DENND1B: variants seen among roughly 807,000 people sequenced by gnomAD.
DENND1B encodes the protein DENN domain-containing protein 1B.
A neutral mutation model predicts 90.1 loss-of-function variants in DENND1B; 59 were observed. The ratio of observed to expected loss-of-function variants is 0.65; its 90% CI spans 0.53 to 0.81. DENND1B has a LOEUF of 0.81. Ranked by LOEUF, DENND1B falls within the 40% of genes least tolerant of loss-of-function variation. The pLI is 0.00. For missense variants in DENND1B, 862 were observed against 912.6 expected (o/e 0.94, Z 0.71); for synonymous variants, 337 against 324.6 (o/e 1.04, Z -0.41).
At chr1:197,770,957 G>A (rs1656516581) in intron 2 of DENND1B, among the ~76,000 whole-genome samples, 1 of 147,606 alleles carries the variant, frequency 6.8e-6, no homozygotes, top group South Asian at 2.1e-4. Context: ...GGTCACCAAG[G>A]CTGGAGTGTG....
At chr1:197,554,141 ACACACACG>A (rs1435527091) in intron 15 of DENND1B, among the ~76,000 whole-genome samples, 2 of 129,934 alleles carry the variant, frequency 1.5e-5, no homozygotes, top group Non-Finnish European at 3.5e-5. Flanking sequence ...ACACACACAC[ACACACACG>A]TATTACTAGC....
intron 20 of DENND1B, among the ~76,000 whole-genome samples, chr1:197,530,990 G>T (rs1669572307): frequency 6.6e-6 from 1 of 152,080 alleles, no homozygotes; most frequent in Admixed American, 6.6e-5. Flanking sequence ...TGACAATAGT[G>T]GTTAGGTACC....
Position 197,506,788 on chromosome 1 carries a change from T to C in DENND1B, c.*3672A>G, listed in dbSNP as rs1299728213. 3 of 151,442 alleles carry C rather than the reference T, an allele frequency of 2.0e-5. No homozygotes were observed. The South Asian group carries it at 6.2e-4, about 31-fold the overall frequency. The allele number at this position is 151,442 out of a possible 1,614,324, so 9.4% of individuals were successfully genotyped here. The stretch of plus-strand genomic sequence containing the variant: ...CAGAACGCTGTTATTCATATAAAAA[T>C]AGTAAAAATTGGATTCCCATTAACA... On this transcript the variant is annotated 3_prime_UTR_variant, in exon 23 of 23. Coordinates refer to ENST00000620048, the MANE Select transcript of DENND1B (RefSeq NM_001195215.2).
chr1:197,507,833 T>C lies in DENND1B; in HGVS notation c.*2627A>G, dbSNP rs1305580486. The C allele has an allele frequency of 6.6e-6, 1 of 151,652 alleles. No individual in the cohort carries two copies. The highest frequency in any genetic ancestry group is 2.4e-5 in the African/African-American group (1 of 41,376). The allele number at this position is 151,652 out of a possible 1,614,324, so 9.4% of individuals were successfully genotyped here. A position where few individuals can be genotyped will look rare whatever the true frequency, so the allele number is the denominator to read the frequency against. ...AAGTTTAAGAGCAGACTTTGAATAT[T>C]CAAAATTTTACTGGTTTGAAATACA... On this transcript the variant is annotated 3_prime_UTR_variant, in exon 23 of 23. Transcript: ENST00000620048.
At chr1:197,579,036 T>A (rs1367784730) in intron 15 of DENND1B, among the ~76,000 whole-genome samples, 11 of 152,178 alleles carry the variant, frequency 7.2e-5, no homozygotes, top group African/African-American at 2.7e-4. Context: ...AATTAGATTA[T>A]CTAGAATAGC....
intron 2 of DENND1B, among the ~76,000 whole-genome samples, chr1:197,748,349 A>G (rs1652982940): frequency 6.6e-6 from 1 of 152,190 alleles, no homozygotes. Flanking sequence ...CCAAAGAAGA[A>G]TTTTTAAAAA....
intron 2 of DENND1B, among the ~76,000 whole-genome samples, chr1:197,769,606 C>T (rs937691435): frequency 4.6e-5 from 7 of 152,144 alleles, no homozygotes; most frequent in East Asian, 1.9e-4. Flanking sequence ...CGATGTTTGA[C>T]GACTTCTTGT....
chr1:197,658,567 A>T (rs1654084589), intron 5 of DENND1B, among the ~76,000 whole-genome samples, 198 bp from the exon 6 acceptor site: 1 of 151,926 alleles, frequency 6.6e-6, no homozygotes, highest in Non-Finnish European at 1.5e-5. Flanking sequence ...CAGAATCTAG[A>T]GTTCTATTTA....
At chr1:197,669,733 A>T (rs1461969848) in intron 5 of DENND1B, among the ~76,000 whole-genome samples, 1 of 152,094 alleles carries the variant, frequency 6.6e-6, no homozygotes, top group Non-Finnish European at 1.5e-5. Context: ...ATTTTTTCAT[A>T]AAGTTTTGAC....
intron 2 of DENND1B, among the ~76,000 whole-genome samples, chr1:197,756,845 A>G (rs1442081166): frequency 3.3e-5 from 5 of 151,504 alleles, no homozygotes; most frequent in Non-Finnish European, 5.9e-5. Context: ...AGGGAAAGAA[A>G]TATTTGCATA....
intron 3 of DENND1B, among the ~76,000 whole-genome samples, chr1:197,695,681 A>G (rs1658361218): frequency 2.3e-5 from 1 of 42,862 alleles, no homozygotes; most frequent in Admixed American, 2.1e-4. Context: ...ATAGAATGCA[A>G]TGAAATTATT....
In DENND1B at chr1:197,546,870, A is replaced by T. The variant is rs1348319687; in HGVS notation, c.1241-97T>A. On this transcript the variant is annotated intron_variant, in intron 16 of 22. Coordinates refer to ENST00000620048, the MANE Select transcript of DENND1B (RefSeq NM_001195215.2). ...AACTAGTATTTGCACAATTTTTAGT[A>T]GGCAAATTTTATATGCAATGTTGAA... 6.7e-6 allele frequency: 7 copies of T among 1,047,716 alleles called. No homozygotes were observed. The East Asian group carries it at 1.9e-4, about 28-fold the overall frequency. 64.9% of individuals were successfully genotyped at this position (1,047,716 alleles called of 1,614,324 possible).
chr1:197,520,358 CT>C (rs1668686967), intron 20 of DENND1B, among the ~76,000 whole-genome samples: 1 of 151,888 alleles, frequency 6.6e-6, no homozygotes, highest in African/African-American at 2.4e-5. Flanking sequence ...TAAATAAAAA[CT>C]TTATTCCTCA....
intron 16 of DENND1B, 39 bp from the exon 17 acceptor site, chr1:197,546,812 C>T: frequency 2.0e-6 from 3 of 1,516,930 alleles, no homozygotes; most frequent in Non-Finnish European, 2.6e-6. Flanking sequence ...AATGGTTGAT[C>T]AAAAATAAAT....
chr1:197,781,406 T>G, the DENND1B span, among the ~76,000 whole-genome samples: 1 of 152,216 alleles, frequency 6.6e-6, no homozygotes, highest in African/African-American at 2.4e-5. Context: ...GAAGAAAAGT[T>G]ATAAAGTATT....
At chr1:197,704,728 G>A (rs1659357788) in intron 3 of DENND1B, among the ~76,000 whole-genome samples, 1 of 151,858 alleles carries the variant, frequency 6.6e-6, no homozygotes, top group Non-Finnish European at 1.5e-5. Context: ...TATTTCTTTG[G>A]ACTAAATTAC....
intron 20 of DENND1B, among the ~76,000 whole-genome samples, chr1:197,525,251 A>G (rs912603128): frequency 1.3e-5 from 2 of 151,994 alleles, no homozygotes; most frequent in African/African-American, 4.8e-5. Flanking sequence ...TTGTTTCATT[A>G]TTTTTTTCTG....
chr1:197,576,704 T>G (rs1245444028), intron 15 of DENND1B, among the ~76,000 whole-genome samples: 3 of 152,168 alleles, frequency 2.0e-5, no homozygotes, highest in African/African-American at 7.2e-5. Flanking sequence ...TTTAAAAATA[T>G]GTATTCTCTT....
chr1:197,588,963 A>G (rs1362428167), intron 14 of DENND1B, among the ~76,000 whole-genome samples: 3 of 152,112 alleles, frequency 2.0e-5, no homozygotes, highest in Non-Finnish European at 4.4e-5. Context: ...ATCTGTCTTG[A>G]AAAAAGAAAA....
Sources: allele counts gnomAD v4.1 joint callset (sites outside exome capture counted in the v4.1 genomes callset), GRCh38; gene constraint gnomAD v4.1.1; transcripts MANE v1.5; gene names NCBI Gene and HGNC (gene_info 2026-07-23, HGNC 2026-07-21).